Variants in RSF1 observed in about 807,000 individuals in gnomAD.
The protein encoded by RSF1 is remodeling and spacing factor 1.
In RSF1, 13 loss-of-function variants were observed where a neutral mutation model predicts 145.2. That is an observed-to-expected ratio of 0.09 (90% CI 0.06 to 0.14). RSF1 has a LOEUF of 0.14. Ranked by LOEUF, RSF1 falls within the 10% of genes least tolerant of loss-of-function variation. The pLI, the probability that RSF1 is intolerant of heterozygous loss-of-function variation, is 1.00. For missense variants in RSF1, 1,517 were observed against 1,718.2 expected, an observed-to-expected ratio of 0.88 and a Z score of 2.07; for synonymous variants, 577 against 592.6, an observed-to-expected ratio of 0.97 and a Z score of 0.38.
the RSF1 span, among the ~76,000 whole-genome samples, chr11:77,828,111 A>G: frequency 6.6e-6 from 1 of 151,680 alleles, no homozygotes; most frequent in Non-Finnish European, 1.5e-5. Flanking sequence ...CATCTCTACT[A>G]AAAAATACAA....
the RSF1 span, among the ~76,000 whole-genome samples, chr11:77,827,207 A>T: frequency 6.6e-6 from 1 of 152,206 alleles, no homozygotes. Flanking sequence ...GGTCAGTTCT[A>T]CCAAAAGTTG....
chr11:77,767,284 GCCT>G lies in RSF1; in HGVS notation c.188-2598_188-2596del, dbSNP rs201023843. Reference sequence around the variant, plus strand: ...TTCCCCCTTCCCACATCTTAAACCTGCCTCCTATTTCCTCCTTTCCCTAGGACA... The same window carrying G: ...TTCCCCCTTCCCACATCTTAAACCTGCCTATTTCCTCCTTTCCCTAGGACA... On this transcript the variant is annotated intron_variant, in intron 1 of 15. Transcript: ENST00000308488. 2.8e-3 allele frequency among the ~76,000 whole-genome samples: 429 copies of G among 152,048 alleles called. 1 individual carries two copies. The highest frequency in any genetic ancestry group is 9.8e-3 in the African/African-American group (407 of 41,480).
At chr11:77,807,590 C>T (rs1948689665) in intron 1 of RSF1, among the ~76,000 whole-genome samples, 1 of 152,122 alleles carries the variant, frequency 6.6e-6, no homozygotes. Flanking sequence ...TATGCTAATA[C>T]CAGACAAAAC....
At chr11:77,810,256 T>C (rs1948717415) in intron 1 of RSF1, among the ~76,000 whole-genome samples, 2 of 152,302 alleles carry the variant, frequency 1.3e-5, no homozygotes, top group South Asian at 4.1e-4. Context: ...AGCAGCAATG[T>C]TACAACAACT....
the RSF1 span, among the ~76,000 whole-genome samples, chr11:77,845,760 A>G: frequency 2.0e-5 from 3 of 152,062 alleles, 1 homozygote; most frequent in South Asian, 4.2e-4. Context: ...TTAACAATCT[A>G]TATTTCTTTA....
intron 9 of RSF1, among the ~76,000 whole-genome samples, chr11:77,686,619 C>A (rs1167820052): frequency 6.6e-6 from 1 of 151,750 alleles, no homozygotes; most frequent in Non-Finnish European, 1.5e-5. Flanking sequence ...GCCTTTAGTG[C>A]CCTGCTAACA....
At chr11:77,811,511 CAGAA>C (rs1382537439) in intron 1 of RSF1, among the ~76,000 whole-genome samples, 5 of 151,994 alleles carry the variant, frequency 3.3e-5, no homozygotes, top group Admixed American at 6.6e-5. Context: ...ACTTGAGAGA[CAGAA>C]AGAAGGAAAT....
At chr11:77,673,418 T>C (rs553063514) in intron 14 of RSF1, among the ~76,000 whole-genome samples, 3 of 152,228 alleles carry the variant, frequency 2.0e-5, no homozygotes, top group Admixed American at 2.0e-4. Flanking sequence ...TATTCTTTTG[T>C]GGATTTCAAA....
intron 7 of RSF1, among the ~76,000 whole-genome samples, chr11:77,694,191 G>C (rs2135843907): frequency 6.6e-6 from 1 of 152,222 alleles, no homozygotes; most frequent in African/African-American, 2.4e-5. Flanking sequence ...TCAGTATATA[G>C]TCATAAAGGC....
chr11:77,811,368 A>G (rs1159559923), intron 1 of RSF1, among the ~76,000 whole-genome samples: 5 of 152,258 alleles, frequency 3.3e-5, no homozygotes, highest in Non-Finnish European at 1.5e-5. Flanking sequence ...GATAAAATAA[A>G]GTAAGAAACC....
chr11:77,830,830 A>G, the RSF1 span, among the ~76,000 whole-genome samples: 2 of 152,032 alleles, frequency 1.3e-5, no homozygotes, highest in African/African-American at 4.8e-5. Context: ...GAAATAAATA[A>G]TGAAAACCAC....
At chr11:77,810,162 C>G (rs1948716421) in intron 1 of RSF1, among the ~76,000 whole-genome samples, 1 of 152,182 alleles carries the variant, frequency 6.6e-6, no homozygotes, top group South Asian at 2.1e-4. Flanking sequence ...TACATCCTTT[C>G]CCATCTGAGT....
intron 5 of RSF1, among the ~76,000 whole-genome samples, chr11:77,722,032 T>A (rs1048254992): frequency 2.0e-5 from 3 of 151,926 alleles, no homozygotes; most frequent in African/African-American, 7.3e-5. Flanking sequence ...TAAAAAACAT[T>A]AGCCAGGCAT....
intron 1 of RSF1, chr11:77,813,651 GT>G: frequency 5.2e-6 from 3 of 571,652 alleles, no homozygotes; most frequent in Non-Finnish European, 9.7e-6. Flanking sequence ...CTCCACGCGT[GT>G]TTTTCCGGTA....
chr11:77,689,988 C>A (rs1456542469), intron 9 of RSF1, among the ~76,000 whole-genome samples: 1 of 151,956 alleles, frequency 6.6e-6, no homozygotes, highest in African/African-American at 2.4e-5. Context: ...ATGGTGAAAT[C>A]CCTTCTCTAC....
At chr11:77,772,845 AT>A (rs1948300781) in intron 1 of RSF1, among the ~76,000 whole-genome samples, 1 of 108,144 alleles carries the variant, frequency 9.2e-6, no homozygotes, top group Non-Finnish European at 1.9e-5. Context: ...GTTGCCCAAG[AT>A]GGAAAAAAAA....
intron 2 of RSF1, among the ~76,000 whole-genome samples, chr11:77,758,562 C>T (rs756632531): frequency 6.6e-6 from 1 of 152,138 alleles, no homozygotes; most frequent in African/African-American, 2.4e-5. Flanking sequence ...TACACTCTCA[C>T]GAAGAATTTA....
intron 9 of RSF1, among the ~76,000 whole-genome samples, chr11:77,689,934 C>T (rs920597982): frequency 2.0e-5 from 3 of 152,078 alleles, no homozygotes; most frequent in African/African-American, 7.2e-5. Flanking sequence ...AAGGCCGAGG[C>T]GGGTGAATCA....
intron 1 of RSF1, among the ~76,000 whole-genome samples, chr11:77,812,684 T>C (rs1948742469): frequency 1.3e-5 from 2 of 152,090 alleles, no homozygotes; most frequent in African/African-American, 2.4e-5. Flanking sequence ...TCAGGAGTTT[T>C]TGAGACCAGC....
Sources: gnomAD v4.1 joint callset for allele counts (sites outside exome capture counted in the v4.1 genomes callset) on GRCh38, gnomAD v4.1.1 for gene constraint, MANE v1.5 for transcripts, NCBI Gene and HGNC (gene_info 2026-07-23, HGNC 2026-07-21) for gene names.